The following FOXP1 variants were observed in gnomAD, a reference collection of about 807,000 sequenced individuals.
The protein encoded by FOXP1 is forkhead box protein P1.
In FOXP1, 15 loss-of-function variants were observed where a neutral mutation model predicts 98.2. That is an observed-to-expected ratio of 0.15 (90% confidence interval 0.10 to 0.24). The LOEUF (loss-of-function observed/expected upper bound fraction) is 0.24. FOXP1 is among the 10% of genes least tolerant of loss of function. The pLI is 1.00. For missense variants in FOXP1, 633 were observed against 848.5 expected (o/e 0.75, Z 3.15); for synonymous variants, 371 against 314.5 (o/e 1.18, Z -1.90).
In FOXP1 at chr3:70,966,073, G is replaced by T; in HGVS notation, c.1723-17C>A. 3 of 1,610,678 alleles carry T rather than the reference G, an allele frequency of 1.9e-6. No individual in the cohort carries two copies. In the East Asian group the frequency reaches 6.7e-5, roughly 36 times the overall value. On this transcript the variant is annotated splice_polypyrimidine_tract_variant and intron_variant, in intron 19 of 20. Transcript: ENST00000649528. ...CATTGAAGCCTGTCATCAACCAAGA[G>T]AAAATTTATGAAGACACAGGGTATG...
chr3:71,180,198 T>C (rs1473716478), intron 6 of FOXP1, among the ~76,000 whole-genome samples: 2 of 152,156 alleles, frequency 1.3e-5, no homozygotes, highest in South Asian at 4.1e-4. Flanking sequence ...TTTCTTGTTC[T>C]TGATTCTTTA....
In FOXP1 at chr3:71,245,713, A is replaced by G. The variant is rs1366033340; in HGVS notation, c.-11-47321T>C. ...TGTCACTGAGTGAAGAGTCTTAACCATTCATGCACCTGAAAATTTATTACC... is the reference window on the plus strand; with the variant it reads ...TGTCACTGAGTGAAGAGTCTTAACCGTTCATGCACCTGAAAATTTATTACC... On this transcript the variant is annotated intron_variant, in intron 5 of 20. Transcript: ENST00000649528. Among the ~76,000 whole-genome samples, 7 of 152,104 alleles carry G rather than the reference A, an allele frequency of 4.6e-5. No individual in the cohort carries two copies. The East Asian group carries it at 7.7e-4, about 17-fold the overall frequency.
At chr3:71,219,052 C>T (rs1286738316) in intron 5 of FOXP1, among the ~76,000 whole-genome samples, 1 of 152,164 alleles carries the variant, frequency 6.6e-6, no homozygotes, top group Non-Finnish European at 1.5e-5. Context: ...GGAAAGAATC[C>T]TATTCCAAAT....
At chr3:71,108,744 G>A (rs931524198) in intron 7 of FOXP1, among the ~76,000 whole-genome samples, 3 of 152,126 alleles carry the variant, frequency 2.0e-5, no homozygotes, top group Non-Finnish European at 4.4e-5. Flanking sequence ...CAGCCTGGAT[G>A]AAAGAGCAAG....
At chr3:71,501,975 TG>T (rs1054904850) in intron 2 of FOXP1, among the ~76,000 whole-genome samples, 2 of 152,180 alleles carry the variant, frequency 1.3e-5, no homozygotes, top group Non-Finnish European at 2.9e-5. Flanking sequence ...TCCTGGATGG[TG>T]GCACGACAGC....
At chr3:71,564,932 T>C (rs1019967709) in intron 2 of FOXP1, among the ~76,000 whole-genome samples, 8 of 152,096 alleles carry the variant, frequency 5.3e-5, no homozygotes, top group African/African-American at 1.2e-4. Context: ...CAGGCCAACA[T>C]GCTGAAATTC....
At chr3:71,219,158 A>G (rs2065164556) in intron 5 of FOXP1, among the ~76,000 whole-genome samples, 1 of 151,892 alleles carries the variant, frequency 6.6e-6, no homozygotes, top group Admixed American at 6.6e-5. Flanking sequence ...GCCTCTCCAT[A>G]CCCTTGCCTG....
At chr3:71,461,303 G>A (rs548641229) in intron 3 of FOXP1, among the ~76,000 whole-genome samples, 3 of 152,178 alleles carry the variant, frequency 2.0e-5, no homozygotes, top group South Asian at 2.1e-4. Context: ...TTCTCATTCC[G>A]TGTAAAAAGT....
intron 12 of FOXP1, among the ~76,000 whole-genome samples, chr3:71,015,156 T>C (rs192328512): frequency 2.0e-5 from 3 of 150,538 alleles, no homozygotes; most frequent in Admixed American, 2.0e-4. Context: ...AAAAAGAAGA[T>C]GACACCTCCA....
rs142371797 is a variant in FOXP1, at chr3:70,970,764, T to C, written c.1694A>G (p.Tyr565Cys). ...TAAAGCTGCATTGAGAGGTGTGCAG[T>C]AGGCGTGGCTGCTCTGCATGTTTTT... ...LIKNMQSSHA[Y>C]CTPLNAALQA... Residue 565 changes from tyrosine to cysteine, a missense_variant, in exon 19 of 21, where the codon TAC becomes TGC. Tyr to Cys is a radical substitution (Grantham distance 194). Around this residue, in one of 6 missense-constraint regions of FOXP1, gnomAD observed 150 missense variants for 163.7 expected, o/e 0.92. Coordinates refer to ENST00000649528, the MANE Select transcript of FOXP1 (RefSeq NM_001349338.3). 9 of 1,613,942 alleles carry C rather than the reference T, an allele frequency of 5.6e-6. No homozygotes were observed. The highest frequency in any genetic ancestry group is 1.6e-4 in the Middle Eastern group (1 of 6,082).
intron 3 of FOXP1, among the ~76,000 whole-genome samples, chr3:71,402,762 G>A (rs765689924): frequency 6.6e-6 from 1 of 152,222 alleles, no homozygotes; most frequent in African/African-American, 2.4e-5. Flanking sequence ...GAAGTGGGAA[G>A]GGGAAAAGTT....
chr3:71,526,343 C>T (rs1300593099), intron 2 of FOXP1, among the ~76,000 whole-genome samples: 2 of 152,092 alleles, frequency 1.3e-5, no homozygotes, highest in Non-Finnish European at 2.9e-5. Flanking sequence ...GTGCCTCAGC[C>T]GACAAAGTGG....
chr3:71,375,076 A>G (rs2079617536), intron 3 of FOXP1, among the ~76,000 whole-genome samples: 1 of 152,250 alleles, frequency 6.6e-6, no homozygotes, highest in African/African-American at 2.4e-5. Context: ...CAAGAGTTAA[A>G]TGCCCAAATA....
intron 5 of FOXP1, among the ~76,000 whole-genome samples, chr3:71,234,396 C>T (rs886188203): frequency 3.3e-5 from 5 of 152,194 alleles, no homozygotes; most frequent in Admixed American, 1.3e-4. Flanking sequence ...AAAGACTGTC[C>T]TTCCAAAACA....
chr3:71,085,735 C>CTTTTTTTTGTTTTTTTTTTTTTTTTTTT (rs2054988464), intron 7 of FOXP1, among the ~76,000 whole-genome samples: 1 of 37,038 alleles, frequency 2.7e-5, no homozygotes, highest in Non-Finnish European at 4.7e-5. Context: ...CATTTATGGC[C>CTTTTTTTTGTTTTTTTTTTTTTTTTTTT]TTTTTTTTTT....
At chr3:71,453,120 C>T (rs2087124278) in intron 3 of FOXP1, among the ~76,000 whole-genome samples, 1 of 152,162 alleles carries the variant, frequency 6.6e-6, no homozygotes, top group Admixed American at 6.5e-5. Flanking sequence ...GCTTACCTCG[C>T]ATTACTTCCA....
chr3:71,159,993 T>C (rs185155996), intron 6 of FOXP1, among the ~76,000 whole-genome samples: 21 of 152,310 alleles, frequency 1.4e-4, no homozygotes, highest in Admixed American at 5.9e-4. Context: ...AAATTCAAGC[T>C]GAACACAAGG....
chr3:71,522,932 A>G (rs2043102645), intron 2 of FOXP1, among the ~76,000 whole-genome samples: 1 of 152,134 alleles, frequency 6.6e-6, no homozygotes, highest in South Asian at 2.1e-4. Context: ...TACACATTTA[A>G]CTTTCCTGAA....
At chr3:70,997,541 T>G (rs1346766832) in intron 13 of FOXP1, among the ~76,000 whole-genome samples, 1 of 152,156 alleles carries the variant, frequency 6.6e-6, no homozygotes, top group Non-Finnish European at 1.5e-5. Context: ...ATACTAAAAA[T>G]TGCTAACATT....
Sources: gnomAD v4.1 joint callset for allele counts (sites outside exome capture counted in the v4.1 genomes callset) on GRCh38, gnomAD v4.1.1 for gene constraint, gnomAD v4.1.1 regional missense constraint, MANE v1.5 for transcripts, NCBI Gene and HGNC (gene_info 2026-07-23, HGNC 2026-07-21) for gene names.